Variants in ERICH5 observed in about 807,000 individuals in gnomAD.
ERICH5 encodes the protein glutamate rich 5, also known as glutamate-rich protein 5.
ERICH5 carries 24 observed loss-of-function variants against 28.0 expected under a neutral mutation model. The ratio of observed to expected loss-of-function variants is 0.86; its 90% CI spans 0.62 to 1.21. The LOEUF is 1.21. ERICH5 is among the 50% of genes most tolerant of loss of function. The pLI is 0.00. For synonymous variants in ERICH5, 163 were observed against 157.6 expected, an observed-to-expected ratio of 1.03 and a Z score of -0.25; for missense variants, 421 against 441.2, an observed-to-expected ratio of 0.95 and a Z score of 0.41.
At chr8:98,076,826 A>AG (rs1586201267) in intron 1 of ERICH5, among the ~76,000 whole-genome samples, 2 of 151,922 alleles carry the variant, frequency 1.3e-5, no homozygotes, top group South Asian at 2.1e-4. Context: ...TTGAAAAAAA[A>AG]AATTCCCAGG....
Position 98,089,873 on chromosome 8 carries a change from T to G in ERICH5, c.856T>G (p.Phe286Val), listed in dbSNP as rs1815351085. The G allele has an allele frequency of 1.2e-6, 2 of 1,614,006 alleles. No homozygotes were observed. Among genetic ancestry groups the G allele is most frequent in the African/African-American group, 2.7e-5 (2 of 74,894 alleles). The change falls in exon 2 of 3, where the codon TTC becomes GTC. Residue 286 changes from phenylalanine to valine, a missense_variant. Physicochemically the swap from Phe to Val is conservative, Grantham distance 50 (BLOSUM62 -1). Coordinates refer to ENST00000318528, the MANE Select transcript of ERICH5 (RefSeq NM_173549.3). ...LVEKPVMNDP[F>V]HKTPEGPGNM... Reference sequence around the variant, plus strand: ...GGAAAAGCCTGTTATGAATGATCCATTCCATAAAACTCCTGAAGGTCCAGG... The same window carrying G: ...GGAAAAGCCTGTTATGAATGATCCAGTCCATAAAACTCCTGAAGGTCCAGG...
rs549160868 is a variant in ERICH5 at position 98,064,742 on chromosome 8, G to A, written c.58+15G>A. The A allele has an allele frequency of 3.3e-6, 5 of 1,523,904 alleles. No individual in the cohort carries two copies. Among genetic ancestry groups the A allele is most frequent in the African/African-American group, 1.4e-5 (1 of 72,730 alleles). The allele number at this position is 1,523,904 out of a possible 1,614,324, so 94.4% of individuals were successfully genotyped here. The stretch of plus-strand genomic sequence containing the variant: ...GTTCCCCAGCGGTGAGCAGGGTACC[G>A]GCGCCGCCCGCGCCCGGGCTGGGGA... On this transcript the variant is annotated intron_variant, in intron 1 of 2. Transcript: ENST00000318528.
chr8:98,070,273 A>G (rs968030253), intron 1 of ERICH5, among the ~76,000 whole-genome samples: 10 of 152,290 alleles, frequency 6.6e-5, no homozygotes, highest in African/African-American at 2.4e-4. Context: ...CTGTAATCCC[A>G]GCTACTTGGG....
Position 98,089,112 on chromosome 8 carries a change from G to A in ERICH5, c.95G>A (p.Ser32Asn), listed in dbSNP as rs1243240339. ...GAGCATTTTTCAACTGCAGAAGAAA[G>A]TGAGTCCTGCTTTGCCCAACCAAAG... ...SNEHFSTAEE[S>N]ESCFAQPKPH... The change falls in exon 2 of 3, where the codon AGT (serine) becomes AAT (asparagine). Residue 32 changes from serine (S) to asparagine (N), a missense_variant. Physicochemically the swap from Ser to Asn is conservative, Grantham distance 46 (BLOSUM62 1). Transcript: ENST00000318528. 1.2e-6 allele frequency: 2 copies of A among 1,612,234 alleles called. No homozygotes were observed. The highest frequency in any genetic ancestry group is 1.7e-6 in the Non-Finnish European group (2 of 1,179,426).
In ERICH5 at chr8:98,069,515, G is replaced by A. The variant is rs1330010488; in HGVS notation, c.58+4788G>A. Among the ~76,000 whole-genome samples, 5 of 151,826 alleles carry A rather than the reference G, an allele frequency of 3.3e-5. No homozygotes were observed. In the South Asian group the frequency reaches 1.0e-3, roughly 32 times the overall value. On this transcript the variant is annotated intron_variant, in intron 1 of 2. Transcript: ENST00000318528. ...TTTGTTTTTTTCACCTAACACTATG[G>A]AGATTTTTCCACATTTATATGCAGA...
chr8:98,090,383 C>T (rs993647127), intron 2 of ERICH5, among the ~76,000 whole-genome samples: 1 of 152,120 alleles, frequency 6.6e-6, no homozygotes, highest in Non-Finnish European at 1.5e-5. Flanking sequence ...TAGATGATTA[C>T]TGGAGGAATT....
At chr8:98,085,224 G>C (rs1350198496) in intron 1 of ERICH5, among the ~76,000 whole-genome samples, 1 of 120,920 alleles carries the variant, frequency 8.3e-6, no homozygotes, top group Non-Finnish European at 1.6e-5. Context: ...GCAGTGACGC[G>C]ATCTCGGCTC....
intron 1 of ERICH5, among the ~76,000 whole-genome samples, chr8:98,079,369 G>A (rs1314097005): frequency 2.0e-5 from 3 of 151,648 alleles, no homozygotes; most frequent in Admixed American, 1.3e-4. Context: ...GAACCCCTGT[G>A]CCCACCCAGA....
At chr8:98,071,886 TTTTTATTTTATTTTTTAAG>T (rs1225992408) in intron 1 of ERICH5, among the ~76,000 whole-genome samples, 1 of 149,732 alleles carries the variant, frequency 6.7e-6, no homozygotes, top group African/African-American at 2.5e-5. Flanking sequence ...ATCCACATTG[TTTTTATTTTATTTTTTAAG>T]TTTTATTTTA....
At position 98,064,606 on chromosome 8, in the gene ERICH5, C is replaced by T; in HGVS notation, c.-64C>T. 7.1e-7 allele frequency: 1 copy of T among 1,405,644 alleles called. No homozygotes were observed. Among genetic ancestry groups the T allele is most frequent in the Non-Finnish European group, 9.5e-7 (1 of 1,050,970 alleles). 87.1% of individuals were successfully genotyped at this position (1,405,644 alleles called of 1,614,324 possible). A position where few individuals can be genotyped will look rare whatever the true frequency, so the allele number is the denominator to read the frequency against. On this transcript the variant is annotated 5_prime_UTR_variant, in exon 1 of 3. Coordinates refer to ENST00000318528, the MANE Select transcript of ERICH5 (RefSeq NM_173549.3). ...CTTCCGCGGCTACGGGTGCAGTTGC[C>T]TTCGGTTCCCGGTTCCGGGCCGACA...
intron 2 of ERICH5, among the ~76,000 whole-genome samples, chr8:98,090,740 C>A (rs1414566781): frequency 6.6e-6 from 1 of 151,992 alleles, no homozygotes; most frequent in African/African-American, 2.4e-5. Flanking sequence ...AAAATTTTAA[C>A]TGTATTTTAC....
intron 1 of ERICH5, among the ~76,000 whole-genome samples, chr8:98,081,710 G>T (rs113299352): frequency 3.3e-5 from 5 of 152,122 alleles, no homozygotes; most frequent in African/African-American, 9.7e-5. Flanking sequence ...AGCAGATCAC[G>T]TGAGGTCGGG....
chr8:98,078,857 ATCTG>A (rs1316704110), intron 1 of ERICH5, among the ~76,000 whole-genome samples: 3 of 152,242 alleles, frequency 2.0e-5, no homozygotes, highest in African/African-American at 7.2e-5. Context: ...AAAACAACGC[ATCTG>A]TCTACAATAT....
intron 1 of ERICH5, among the ~76,000 whole-genome samples, chr8:98,071,018 C>A (rs976638101): frequency 6.6e-6 from 1 of 152,148 alleles, no homozygotes; most frequent in Non-Finnish European, 1.5e-5. Context: ...AATCCCAGCA[C>A]TGTGGGAGGC....
intron 1 of ERICH5, among the ~76,000 whole-genome samples, chr8:98,081,036 T>G (rs768739236): frequency 6.6e-6 from 1 of 151,952 alleles, no homozygotes; most frequent in Non-Finnish European, 1.5e-5. Context: ...TGTACCAATA[T>G]TGGAATGAAT....
intron 1 of ERICH5, among the ~76,000 whole-genome samples, chr8:98,066,276 G>A (rs1018983647): frequency 1.3e-5 from 2 of 152,154 alleles, no homozygotes; most frequent in African/African-American, 4.8e-5. Context: ...ATGAAAAGCC[G>A]AGGGAAAACA....
At chr8:98,070,778 G>A (rs377674672) in intron 1 of ERICH5, among the ~76,000 whole-genome samples, 15 of 151,666 alleles carry the variant, frequency 9.9e-5, no homozygotes, top group African/African-American at 3.6e-4. Flanking sequence ...GATTGACAGA[G>A]ACGGGGATTC....
At chr8:98,085,805 G>A (rs555460826) in intron 1 of ERICH5, among the ~76,000 whole-genome samples, 3 of 152,208 alleles carry the variant, frequency 2.0e-5, no homozygotes, top group African/African-American at 7.2e-5. Context: ...GCTTCCCCAC[G>A]TGTTCTCCTG....
In ERICH5 at chr8:98,072,752, C is replaced by T. The variant is rs576159068; in HGVS notation, c.58+8025C>T. 3.9e-5 allele frequency among the ~76,000 whole-genome samples: 6 copies of T among 152,326 alleles called. No individual in the cohort carries two copies. The East Asian group carries it at 1.2e-3, about 29-fold the overall frequency. On this transcript the variant is annotated intron_variant, in intron 1 of 2. Transcript: ENST00000318528. The stretch of plus-strand genomic sequence containing the variant: ...GCTTAGAGATAACATCTGCCTTCAG[C>T]CACCCCAGCAAGGACTTTTGTTGAA...
Sources: allele counts gnomAD v4.1 joint callset (sites outside exome capture counted in the v4.1 genomes callset), GRCh38; gene constraint gnomAD v4.1.1; transcripts MANE v1.5; gene names NCBI Gene and HGNC (gene_info 2026-07-23, HGNC 2026-07-21).